The following SPATA6L variants were observed in gnomAD, a reference collection of about 807,000 sequenced individuals.
The protein encoded by SPATA6L is spermatogenesis associated 6-like protein.
SPATA6L carries 68 observed loss-of-function variants against 49.2 expected under a neutral mutation model. The observed-to-expected ratio is 1.38, with a 90% CI of 1.14 to 1.69. SPATA6L has a LOEUF of 1.69. Among genes scored for constraint, SPATA6L ranks in the 40% most tolerant of loss-of-function variants. The pLI, the probability that SPATA6L is intolerant of heterozygous loss-of-function variation, is 0.00. For synonymous variants in SPATA6L, 198 were observed against 165.7 expected, an observed-to-expected ratio of 1.19 and a Z score of -1.50; for missense variants, 668 against 464.3, an observed-to-expected ratio of 1.44 and a Z score of -4.03.
downstream of SPATA6L, among the ~76,000 whole-genome samples, chr9:4,598,313 G>A (rs1163932238): frequency 6.6e-6 from 1 of 152,118 alleles, no homozygotes; most frequent in Non-Finnish European, 1.5e-5. Context: ...AGACAGATGG[G>A]AATTCTTTTT....
chr9:4,604,916 A>G (rs1564115477), intron 10 of SPATA6L, among the ~76,000 whole-genome samples: 1 of 152,190 alleles, frequency 6.6e-6, no homozygotes, highest in Non-Finnish European at 1.5e-5. Flanking sequence ...AAACCACCTT[A>G]TTAAATTCTA....
chr9:4,626,565 G>T (rs1187086698), intron 5 of SPATA6L: 2 of 1,301,472 alleles, frequency 1.5e-6, no homozygotes, highest in Admixed American at 2.3e-5. Context: ...CCTAGGGGTG[G>T]AAGCTGCTTC....
intron 9 of SPATA6L, among the ~76,000 whole-genome samples, chr9:4,614,782 T>C (rs1827577495): frequency 6.6e-6 from 1 of 152,112 alleles, no homozygotes. Context: ...TGGCCTTATT[T>C]ACAAACTCAT....
intron 3 of SPATA6L, among the ~76,000 whole-genome samples, chr9:4,643,871 T>C (rs905092844): frequency 6.6e-6 from 1 of 151,982 alleles, no homozygotes; most frequent in African/African-American, 2.4e-5. Flanking sequence ...GCTGGACGCA[T>C]TGGCAGGTGC....
At chr9:4,611,644 GT>G (rs1826752155) in intron 9 of SPATA6L, among the ~76,000 whole-genome samples, 1 of 116,608 alleles carries the variant, frequency 8.6e-6, no homozygotes, top group Non-Finnish European at 1.6e-5. Context: ...TCTGGGGACT[GT>G]TGTGGGGTGG....
rs1438667940 is a variant in SPATA6L, at chr9:4,640,451, C to A, written c.227-5052G>T. Among the ~76,000 whole-genome samples the A allele has an allele frequency of 2.0e-5, 3 of 151,910 alleles. No individual in the cohort carries two copies. In the East Asian group the frequency reaches 5.8e-4, roughly 29 times the overall value. On this transcript the variant is annotated intron_variant, in intron 3 of 11. Transcript: ENST00000682582. ...GTTTGAAAGCAATGAGAAAAAATAT[C>A]AAGCAATAAATACAGCTAAATGAAA...
chr9:4,613,278 T>G (rs1827204016), intron 9 of SPATA6L, among the ~76,000 whole-genome samples: 4 of 151,780 alleles, frequency 2.6e-5, no homozygotes, highest in Admixed American at 2.6e-4. Context: ...CTTTAATTAA[T>G]GTATGGTAAA....
At position 4,661,105 on chromosome 9, in the gene SPATA6L, G is replaced by T. The variant is rs190882787; in HGVS notation, c.177+794C>A. Among the ~76,000 whole-genome samples the T allele has an allele frequency of 1.1e-4, 17 of 152,192 alleles. No individual in the cohort carries two copies. The East Asian group carries it at 3.1e-3, about 28-fold the overall frequency. On this transcript the variant is annotated intron_variant, in intron 2 of 11. Coordinates refer to ENST00000682582, the MANE Select transcript of SPATA6L (RefSeq NM_001353486.2). ...GTATACATATATAACAAACCAGCAC[G>T]TTGTGCATATGTACCCTAGAACTTA...
chr9:4,644,162 C>A (rs897906819), intron 3 of SPATA6L, among the ~76,000 whole-genome samples: 1 of 103,410 alleles, frequency 9.7e-6, no homozygotes, highest in African/African-American at 3.6e-5. Context: ...GCCTAGGCAA[C>A]ATAGTAAGAT....
At chr9:4,650,683 G>A (rs535159558) in intron 3 of SPATA6L, among the ~76,000 whole-genome samples, 4 of 152,166 alleles carry the variant, frequency 2.6e-5, no homozygotes, top group South Asian at 2.1e-4. Context: ...TTTTTGAGAC[G>A]GAGTCTTGCT....
At chr9:4,629,963 A>C (rs1450194315) in intron 4 of SPATA6L, among the ~76,000 whole-genome samples, 1 of 151,960 alleles carries the variant, frequency 6.6e-6, no homozygotes, top group Non-Finnish European at 1.5e-5. Context: ...AATGGAAACT[A>C]CTCGGTAATA....
intron 3 of SPATA6L, among the ~76,000 whole-genome samples, chr9:4,637,357 C>T (rs1431363182): frequency 2.0e-5 from 3 of 152,212 alleles, no homozygotes; most frequent in Admixed American, 6.5e-5. Flanking sequence ...TAACAGAGCA[C>T]TCCTTCCCAG....
At chr9:4,656,813 A>G (rs1817984152) in intron 2 of SPATA6L, among the ~76,000 whole-genome samples, 1 of 152,232 alleles carries the variant, frequency 6.6e-6, no homozygotes, top group South Asian at 2.1e-4. Flanking sequence ...TATACAACAG[A>G]TACTCATTAA....
chr9:4,637,286 C>T (rs1407134499), intron 3 of SPATA6L, among the ~76,000 whole-genome samples: 3 of 152,082 alleles, frequency 2.0e-5, no homozygotes, highest in Admixed American at 6.5e-5. Flanking sequence ...TGGCTGGCTC[C>T]TTCCTACTGA....
Position 4,598,401 on chromosome 9 carries a change from C to A in SPATA6L, c.*2410G>T, listed in dbSNP as rs1035346050. On this transcript the variant is annotated 3_prime_UTR_variant, in exon 12 of 12. Transcript: ENST00000682582. ...ACAAAATTATTCATACTATTATACA[C>A]TCCAAAAGCAAAATACTTCAACTGC... 3.3e-5 allele frequency among the ~76,000 whole-genome samples: 5 copies of A among 152,172 alleles called. No individual in the cohort carries two copies. Among genetic ancestry groups the A allele is most frequent in the Non-Finnish European group, 1.5e-5 (1 of 68,038 alleles).
intron 3 of SPATA6L, among the ~76,000 whole-genome samples, chr9:4,649,332 T>G (rs1836274685): frequency 6.6e-6 from 1 of 152,274 alleles, no homozygotes; most frequent in African/African-American, 2.4e-5. Context: ...TGTACTAGTT[T>G]ACATTCCCAT....
chr9:4,604,032 G>A lies in SPATA6L; in HGVS notation c.*1+147C>T, dbSNP rs1824062279. 9 of 559,852 alleles carry A rather than the reference G, an allele frequency of 1.6e-5. No individual in the cohort carries two copies. The East Asian group carries it at 2.4e-4, about 15-fold the overall frequency. 34.7% of individuals were successfully genotyped at this position (559,852 alleles called of 1,614,324 possible). On this transcript the variant is annotated intron_variant, in intron 11 of 11. Coordinates refer to ENST00000682582, the MANE Select transcript of SPATA6L (RefSeq NM_001353486.2). ...GCACTGCAGTTATCATACAGAGCAA[G>A]GGAAGAACGCAGTTCTCAGGTCTCC...
intron 3 of SPATA6L, among the ~76,000 whole-genome samples, chr9:4,647,604 C>A (rs1416120109): frequency 6.6e-6 from 1 of 151,696 alleles, no homozygotes; most frequent in African/African-American, 2.4e-5. Flanking sequence ...ACAAAACAAA[C>A]AAACAAAAAA....
intron 3 of SPATA6L, chr9:4,646,467 C>T (rs200643057): frequency 8.4e-5 from 125 of 1,496,258 alleles, no homozygotes; most frequent in African/African-American, 2.4e-4. Flanking sequence ...AATTTAGAAA[C>T]GGATTTACTG....
Sources: allele counts gnomAD v4.1 joint callset (sites outside exome capture counted in the v4.1 genomes callset), GRCh38; gene constraint gnomAD v4.1.1; transcripts MANE v1.5; gene names NCBI Gene and HGNC (gene_info 2026-07-23, HGNC 2026-07-21).